CATSPERE: variants seen among roughly 807,000 people sequenced by gnomAD.
CATSPERE encodes catsper channel auxiliary subunit epsilon, also known as cation channel sperm-associated auxiliary subunit epsilon.
In CATSPERE, 93 loss-of-function variants were observed where a neutral mutation model predicts 114.1. That is an observed-to-expected ratio of 0.81 (90% CI 0.69 to 0.97). The LOEUF is 0.97. CATSPERE is among the 50% of genes least tolerant of loss of function. The pLI is 0.00. For synonymous variants in CATSPERE, 341 were observed against 384.1 expected (o/e 0.89, Z 1.31); for missense variants, 1,058 against 1,131.6 (o/e 0.93, Z 0.93).
chr1:244,596,017 G>A (rs1668371774), intron 17 of CATSPERE, among the ~76,000 whole-genome samples: 1 of 152,220 alleles, frequency 6.6e-6, no homozygotes, highest in South Asian at 2.1e-4. Context: ...AATCTAAGTA[G>A]GGAGACCAGC....
intron 7 of CATSPERE, among the ~76,000 whole-genome samples, chr1:244,506,012 C>T (rs1674765490): frequency 6.6e-6 from 1 of 151,884 alleles, no homozygotes; most frequent in Non-Finnish European, 1.5e-5. Context: ...TCTCAAAAAA[C>T]AAAAACAAAA....
chr1:244,487,166 CGTA>C (rs1431691816), intron 5 of CATSPERE, among the ~76,000 whole-genome samples: 1 of 150,476 alleles, frequency 6.6e-6, no homozygotes, highest in Non-Finnish European at 1.5e-5. Context: ...TACAGACCCT[CGTA>C]GTCACCTGGT....
rs554463590 is a variant in CATSPERE, at chr1:244,480,602, A to G, written c.326+818A>G. Among the ~76,000 whole-genome samples the G allele has an allele frequency of 5.1e-5, 3 of 58,620 alleles. No homozygotes were observed. The South Asian group carries it at 1.4e-3, about 27-fold the overall frequency. The allele number at this position is 58,620 out of a possible 152,430, so 38.5% of individuals were successfully genotyped here. On this transcript the variant is annotated intron_variant, in intron 5 of 21. Coordinates refer to ENST00000366534, the MANE Select transcript of CATSPERE (RefSeq NM_001130957.2). ...CACATACACGATCCAGGCAGAACCA[A>G]TCAGAATACTCATGTCTTCAGTAAA...
intron 2 of CATSPERE, 128 bp downstream of exon 2, chr1:244,464,084 G>C: frequency 1.4e-6 from 1 of 709,976 alleles, no homozygotes; most frequent in Non-Finnish European, 2.4e-6. Flanking sequence ...CTTTCATCCG[G>C]TGTATTACCC....
intron 20 of CATSPERE, among the ~76,000 whole-genome samples, chr1:244,622,401 CTTTTTTT>C (rs142928066): frequency 2.2e-5 from 2 of 90,580 alleles, no homozygotes; most frequent in African/African-American, 4.0e-5. Context: ...CTTTCCTTTT[CTTTTTTT>C]TTTTTTTTTT....
chr1:244,478,250 A>C (rs1352502246), intron 4 of CATSPERE, among the ~76,000 whole-genome samples: 1 of 152,168 alleles, frequency 6.6e-6, no homozygotes, highest in Non-Finnish European at 1.5e-5. Flanking sequence ...CACCTTAATG[A>C]TAATAGGACT....
Position 244,610,113 on chromosome 1 carries a change from G to T in CATSPERE, c.2404-127G>T. The T allele has an allele frequency of 4.8e-6, 3 of 621,746 alleles. No individual in the cohort carries two copies. In the South Asian group the frequency reaches 6.7e-5, roughly 14 times the overall value. The allele number at this position is 621,746 out of a possible 1,614,324, so 38.5% of individuals were successfully genotyped here. On this transcript the variant is annotated intron_variant, in intron 18 of 21. Coordinates refer to ENST00000366534, the MANE Select transcript of CATSPERE (RefSeq NM_001130957.2). ...TTGTCAATTATTCCTCTGTATACCA[G>T]CCAACATTTAAATAATGTAAGTTTT... is the stretch of plus-strand genomic sequence containing the variant.
intron 8 of CATSPERE, among the ~76,000 whole-genome samples, chr1:244,548,677 C>T (rs1334718179): frequency 6.6e-6 from 1 of 152,216 alleles, no homozygotes; most frequent in Non-Finnish European, 1.5e-5. Flanking sequence ...ACTGGTCTTA[C>T]CATGTTCTCC....
rs148653679 is a variant in CATSPERE at position 244,527,057 on chromosome 1, C to T, written c.536+8359C>T. ...GAGTGAGATCACAGGACCACAGGAC[C>T]GGGGCAAAATTAAAAATACTAATGA... On this transcript the variant is annotated intron_variant, in intron 8 of 21. Transcript: ENST00000366534. Among the ~76,000 whole-genome samples, 486 of 152,102 alleles carry T rather than the reference C, an allele frequency of 3.2e-3. 9 individuals carry two copies. Among genetic ancestry groups the T allele is most frequent in the African/African-American group, 0.011 (462 of 41,486 alleles).
rs769177711 is a variant in CATSPERE, at chr1:244,610,203, T to G, written c.2404-37T>G. ...CTTAGGAATAAGTTGATATGAAAAC[T>G]TCTACCTACCCACATACATGTGCCA... On this transcript the variant is annotated intron_variant, in intron 18 of 21. Coordinates refer to ENST00000366534, the MANE Select transcript of CATSPERE (RefSeq NM_001130957.2). 2.9e-6 allele frequency: 4 copies of G among 1,382,538 alleles called. No individual in the cohort carries two copies. The Admixed American group carries it at 6.3e-5, about 22-fold the overall frequency. 85.6% of individuals were successfully genotyped at this position (1,382,538 alleles called of 1,614,324 possible).
Position 244,593,529 on chromosome 1 carries a change from T to G in CATSPERE, c.2254T>G (p.Cys752Gly). ...AAGGTATATTTGGGGAGAATATGGC[T>G]GCCCTCTGAGGCTTGACTTCACAGA... is the stretch of plus-strand genomic sequence containing the variant. ...RVRYIWGEYG[C>G]PLRLDFTEKF... is the part of the protein sequence containing the mutation. The change falls in exon 17 of 22, where the codon TGC becomes GGC. Residue 752 changes from cysteine (C) to glycine (G), a missense_variant. Physicochemically the swap from Cys to Gly is radical, Grantham distance 159. This residue lies in a region of CATSPERE where 787 missense variants were observed against 905.6 expected (regional missense o/e 0.87). Coordinates refer to ENST00000366534, the MANE Select transcript of CATSPERE (RefSeq NM_001130957.2). The G allele has an allele frequency of 1.9e-6, 3 of 1,614,124 alleles. No individual in the cohort carries two copies. The highest frequency in any genetic ancestry group is 2.5e-6 in the Non-Finnish European group (3 of 1,179,966).
Position 244,463,754 on chromosome 1 carries a change from G to T in CATSPERE, c.66-154G>T, listed in dbSNP as rs374147186. 1.2e-3 allele frequency among the ~76,000 whole-genome samples: 182 copies of T among 152,080 alleles called. 1 individual carries two copies. Among genetic ancestry groups the T allele is most frequent in the African/African-American group, 4.1e-3 (172 of 41,474 alleles). ...GAGATGTGGGTAGAGGTCACTGATA[G>T]CCCCAATTTTAGCCCTGAGTTGCTG... On this transcript the variant is annotated intron_variant, in intron 1 of 21. Coordinates refer to ENST00000366534, the MANE Select transcript of CATSPERE (RefSeq NM_001130957.2).
chr1:244,499,557 T>G (rs955543741), intron 7 of CATSPERE, among the ~76,000 whole-genome samples: 4 of 145,108 alleles, frequency 2.8e-5, no homozygotes, highest in African/African-American at 1.0e-4. Context: ...TGTGTTCTCA[T>G]TGTTCAACTC....
chr1:244,621,228 A>ATATATCTATATAG (rs1456328470), intron 20 of CATSPERE, among the ~76,000 whole-genome samples: 510 of 16,540 alleles, frequency 0.031, 100 homozygotes, highest in Non-Finnish European at 0.042. Context: ...TATTTATATA[A>ATATATCTATATAG]ATATATTTAT....
chr1:244,601,157 C>T (rs1669160006), intron 17 of CATSPERE, among the ~76,000 whole-genome samples: 2 of 151,692 alleles, frequency 1.3e-5, no homozygotes, highest in Non-Finnish European at 2.9e-5. Context: ...TAATTACAAA[C>T]CAGATTAGAT....
upstream of CATSPERE, chr1:244,451,929 G>A (rs1401014957): frequency 8.5e-6 from 10 of 1,172,616 alleles, no homozygotes; most frequent in Non-Finnish European, 1.1e-5. This position sits in a 1 kb window ranked among gnomAD's most constrained non-coding sequence, Gnocchi z 6.6. Flanking sequence ...GCCAGAGGCC[G>A]GCCCCGCCCC....
chr1:244,625,410 AT>A (rs1673015074), intron 20 of CATSPERE, among the ~76,000 whole-genome samples: 3 of 8,362 alleles, frequency 3.6e-4, no homozygotes, highest in East Asian at 3.3e-3. Context: ...TATTATTTAT[AT>A]ATATATATAT....
intron 2 of CATSPERE, among the ~76,000 whole-genome samples, chr1:244,465,495 A>T (rs1040257658): frequency 6.6e-6 from 1 of 152,158 alleles, no homozygotes. Flanking sequence ...CTTTTTTCAC[A>T]TAATGAACCA....
At chr1:244,521,682 A>G (rs551763472) in intron 8 of CATSPERE, among the ~76,000 whole-genome samples, 226 of 152,350 alleles carry the variant, frequency 1.5e-3, no homozygotes, top group South Asian at 6.0e-3. Context: ...AATTAGAAAT[A>G]TAGAATATCT....
Sources: gnomAD v4.1 joint callset for allele counts (sites outside exome capture counted in the v4.1 genomes callset) on GRCh38, gnomAD v4.1.1 for gene constraint, gnomAD v4.1.1 regional missense constraint, Gnocchi (gnomAD v3.1) non-coding constraint, MANE v1.5 for transcripts, NCBI Gene and HGNC (gene_info 2026-07-23, HGNC 2026-07-21) for gene names.